Variants in NSDHL observed in about 807,000 individuals in gnomAD.
The protein encoded by NSDHL is sterol-4-alpha-carboxylate 3-dehydrogenase, decarboxylating.
A neutral mutation model predicts 23.0 loss-of-function variants in NSDHL; 1 was observed. The ratio of observed to expected loss-of-function variants is 0.04; its 90% CI spans 0.02 to 0.21. The LOEUF (loss-of-function observed/expected upper bound fraction) is 0.21, where lower values mean the gene tolerates loss of function less well. Among genes scored for constraint, NSDHL ranks in the 10% least tolerant of loss-of-function variants. The pLI is 1.00. For missense variants in NSDHL, 237 were observed against 300.9 expected, an observed-to-expected ratio of 0.79 and a Z score of 1.57; for synonymous variants, 128 against 121.1, an observed-to-expected ratio of 1.06 and a Z score of -0.37.
chrX:152,868,533 T>TATC (rs1933648120), intron 7 of NSDHL, among the ~76,000 whole-genome samples: 1 of 112,586 alleles, frequency 8.9e-6, no homozygotes, highest in African/African-American at 3.2e-5. Context: ...TTATGATGAT[T>TATC]AACAATTATC....
chrX:152,856,512 T>A (rs1211361035), intron 3 of NSDHL, among the ~76,000 whole-genome samples: 2 of 111,420 alleles, frequency 1.8e-5, no homozygotes, highest in Non-Finnish European at 3.8e-5. Flanking sequence ...GTGCTCAGAT[T>A]TGGGTTTCTA....
chrX:152,853,143 GTGTGTGTGTGAGCGTA>G (rs782500202), intron 3 of NSDHL, among the ~76,000 whole-genome samples: 209 of 108,472 alleles, frequency 1.9e-3, no homozygotes, highest in Non-Finnish European at 3.2e-3. Flanking sequence ...GTGTGTGTGT[GTGTGTGTGTGAGCGTA>G]TGTGTGTGTA....
rs147318065 is a variant in NSDHL at position 152,846,364 on chromosome X, G to A, written c.40G>A (p.Ala14Thr). 77 of 1,209,339 alleles carry A rather than the reference G, an allele frequency of 6.4e-5. No individual in the cohort carries two copies. Among genetic ancestry groups the A allele is most frequent in the Non-Finnish European group, 7.9e-5 (71 of 894,222 alleles). The part of the protein sequence containing the change: ...AVSEPMRDQV[A>T]RTHLTEDTPK... ...TAGCGAGCCAATGAGAGACCAAGTC[G>A]CACGGACTCATTTGACAGAGGACAC... is the stretch of plus-strand genomic sequence containing the variant. Residue 14 changes from alanine to threonine, a missense_variant, in exon 2 of 8, where the codon GCA becomes ACA. Around this residue, in one of 3 missense-constraint regions of NSDHL, gnomAD observed 81 missense variants for 103.3 expected, o/e 0.78. Transcript: ENST00000370274.
chrX:152,857,026 CAG>C (rs1487962804), intron 3 of NSDHL, among the ~76,000 whole-genome samples: 1 of 112,450 alleles, frequency 8.9e-6, no homozygotes, highest in Non-Finnish European at 1.9e-5. Context: ...GCCTTGCCGA[CAG>C]AGCGAGACAA....
intron 1 of NSDHL, among the ~76,000 whole-genome samples, chrX:152,836,257 G>C (rs1441637014): frequency 8.9e-6 from 1 of 112,145 alleles, no homozygotes; most frequent in Non-Finnish European, 1.9e-5. Context: ...TAGGTTGCCT[G>C]TTCACTATGA....
chrX:152,843,471 G>T (rs899416122), intron 1 of NSDHL, among the ~76,000 whole-genome samples: 1 of 111,789 alleles, frequency 8.9e-6, no homozygotes, highest in Admixed American at 9.4e-5. Context: ...GGGGAGACTC[G>T]TTCTTCATTG....
chrX:152,850,954 G>A (rs1415808612), intron 3 of NSDHL, among the ~76,000 whole-genome samples: 2 of 111,724 alleles, frequency 1.8e-5, no homozygotes, highest in African/African-American at 6.5e-5. Flanking sequence ...GCCCCTGGCC[G>A]CCACTCATCT....
At chrX:152,864,971 G>A (rs1439975533) in intron 5 of NSDHL, among the ~76,000 whole-genome samples, 2 of 112,297 alleles carry the variant, frequency 1.8e-5, no homozygotes, top group African/African-American at 6.5e-5. Context: ...ATACAGACAC[G>A]CACTGAAGCA....
intron 3 of NSDHL, among the ~76,000 whole-genome samples, chrX:152,853,289 T>C (rs1933389160): frequency 9.1e-6 from 1 of 110,297 alleles, no homozygotes; most frequent in Non-Finnish European, 1.9e-5. Context: ...CTATTTCTGC[T>C]AAGTCTTCTC....
At chrX:152,853,778 A>AT (rs1486385834) in intron 3 of NSDHL, among the ~76,000 whole-genome samples, 3 of 112,197 alleles carry the variant, frequency 2.7e-5, no homozygotes, top group Non-Finnish European at 5.6e-5. Context: ...TTCCTGAACC[A>AT]CAGAACTTGC....
chrX:152,854,996 CT>C (rs138412629), intron 3 of NSDHL, among the ~76,000 whole-genome samples: 249 of 98,726 alleles, frequency 2.5e-3, no homozygotes, highest in East Asian at 4.4e-3. Context: ...TTACATAACA[CT>C]TTTTTTTTTT....
chrX:152,837,574 T>A (rs1933118773), intron 1 of NSDHL, among the ~76,000 whole-genome samples: 1 of 112,297 alleles, frequency 8.9e-6, no homozygotes, highest in South Asian at 3.7e-4. Flanking sequence ...TTGTCTTTGG[T>A]TCTGTTTATA....
At chrX:152,836,872 G>A (rs782369560) in intron 1 of NSDHL, among the ~76,000 whole-genome samples, 1 of 112,138 alleles carries the variant, frequency 8.9e-6, no homozygotes, top group East Asian at 2.8e-4. Flanking sequence ...TGATGGCATT[G>A]AATCTATAAA....
Position 152,868,885 on chromosome X carries a change from C to T in NSDHL, c.891C>T (p.Tyr297=). The change falls in exon 8 of 8, where the codon TAC becomes TAT. Residue 297 remains tyrosine (Y), a synonymous_variant. Transcript: ENST00000370274. ...NYEAPKYHIP[Y]WVAYYLALLL... is the part of the protein sequence containing the mutation. The stretch of plus-strand genomic sequence containing the variant: ...AGGCCCCCAAGTACCACATCCCCTA[C>T]TGGGTGGCCTACTACCTGGCCCTCC... 2 of 1,211,482 alleles carry T rather than the reference C, an allele frequency of 1.7e-6. No homozygotes were observed. Among genetic ancestry groups the T allele is most frequent in the South Asian group, 1.8e-5 (1 of 57,006 alleles).
intron 1 of NSDHL, among the ~76,000 whole-genome samples, chrX:152,832,962 G>A (rs367555705): frequency 3.6e-5 from 4 of 111,254 alleles, no homozygotes; most frequent in Middle Eastern, 4.7e-3. Flanking sequence ...CTCTCCCACC[G>A]CTGAGCAGCA....
intron 5 of NSDHL, among the ~76,000 whole-genome samples, chrX:152,865,522 C>A (rs1399259124): frequency 8.9e-6 from 1 of 112,974 alleles, no homozygotes; most frequent in Non-Finnish European, 1.9e-5. Flanking sequence ...TGGATTTTAG[C>A]CTTTGAACGC....
At chrX:152,838,927 G>C (rs781883133) in intron 1 of NSDHL, among the ~76,000 whole-genome samples, 2 of 111,740 alleles carry the variant, frequency 1.8e-5, no homozygotes, top group South Asian at 3.8e-4. Flanking sequence ...TATTGAGTGG[G>C]AGTCTAAGTC....
chrX:152,851,043 C>T (rs1228222572), intron 3 of NSDHL, among the ~76,000 whole-genome samples: 2 of 112,177 alleles, frequency 1.8e-5, no homozygotes, highest in East Asian at 5.5e-4. Context: ...CTGTGCCTGA[C>T]TTTTTTCACT....
intron 5 of NSDHL, among the ~76,000 whole-genome samples, chrX:152,863,659 G>A (rs1381087721): frequency 1.8e-5 from 2 of 112,819 alleles, no homozygotes; most frequent in African/African-American, 6.4e-5. Context: ...TGCTGGGGCT[G>A]TGGGGCCCCT....
Sources: allele counts gnomAD v4.1 joint callset (sites outside exome capture counted in the v4.1 genomes callset), GRCh38; gene constraint gnomAD v4.1.1; regional missense constraint gnomAD v4.1.1; transcripts MANE v1.5; gene names NCBI Gene and HGNC (gene_info 2026-07-23, HGNC 2026-07-21).